THUMPD2: variants seen among roughly 807,000 people sequenced by gnomAD.
The protein encoded by THUMPD2 is THUMP domain 2 tRNA and snRNA guanosine methyltransferase.
Under a neutral mutation model 49.4 loss-of-function variants are expected in THUMPD2, and 56 were observed. That is an observed-to-expected ratio of 1.13 (90% CI 0.91 to 1.41). THUMPD2 has a LOEUF of 1.41. THUMPD2 is among the 40% of genes most tolerant of loss of function. THUMPD2 has a pLI of 0.00. For synonymous variants in THUMPD2, 237 were observed against 205.2 expected (o/e 1.15, Z -1.32); for missense variants, 709 against 594.5 (o/e 1.19, Z -2.00).
chr2:39,738,475 G>C (rs994794751), intron 9 of THUMPD2, among the ~76,000 whole-genome samples: 1 of 151,868 alleles, frequency 6.6e-6, no homozygotes, highest in African/African-American at 2.4e-5. Flanking sequence ...GGGATGGGAG[G>C]ACTGCTTGAG....
chr2:39,763,224 A>G (rs937837521), intron 5 of THUMPD2, among the ~76,000 whole-genome samples: 2 of 151,796 alleles, frequency 1.3e-5, no homozygotes, highest in African/African-American at 2.4e-5. Flanking sequence ...GTCCTAATCT[A>G]TATCTCTAGC....
At chr2:39,737,754 G>A (rs1049949763) in intron 9 of THUMPD2, among the ~76,000 whole-genome samples, 3 of 152,174 alleles carry the variant, frequency 2.0e-5, no homozygotes, top group African/African-American at 7.2e-5. Context: ...CCTGTGCTAT[G>A]AGTTAAAAGA....
chr2:39,748,558 T>C (rs919252815), intron 8 of THUMPD2, among the ~76,000 whole-genome samples: 1 of 151,934 alleles, frequency 6.6e-6, no homozygotes, highest in Non-Finnish European at 1.5e-5. Flanking sequence ...CGTGGTAGCA[T>C]GCGCCTGTAG....
chr2:39,758,083 T>C (rs532334571), intron 6 of THUMPD2, among the ~76,000 whole-genome samples: 16 of 152,318 alleles, frequency 1.1e-4, no homozygotes, highest in African/African-American at 3.8e-4. Flanking sequence ...TTATCAAGCA[T>C]TATCTTTGTA....
At chr2:39,752,738 A>G (rs991446950) in intron 8 of THUMPD2, among the ~76,000 whole-genome samples, 2 of 152,204 alleles carry the variant, frequency 1.3e-5, no homozygotes, top group East Asian at 1.9e-4. Flanking sequence ...TATAATATGA[A>G]AAAGTTTATC....
intron 1 of THUMPD2, among the ~76,000 whole-genome samples, chr2:39,771,871 A>C (rs887841239): frequency 6.6e-6 from 1 of 152,208 alleles, no homozygotes; most frequent in African/African-American, 2.4e-5. Flanking sequence ...GAAAGGTATA[A>C]TGTATTGGAC....
At chr2:39,746,908 A>G (rs751153322) in intron 8 of THUMPD2, among the ~76,000 whole-genome samples, 1 of 152,126 alleles carries the variant, frequency 6.6e-6, no homozygotes, top group Non-Finnish European at 1.5e-5. Context: ...GTCCAGGTTT[A>G]TAATATTCAT....
intron 2 of THUMPD2, among the ~76,000 whole-genome samples, chr2:39,770,994 T>C (rs1454253774): frequency 6.6e-6 from 1 of 152,032 alleles, no homozygotes; most frequent in African/African-American, 2.4e-5. Flanking sequence ...ATTTAGAGAG[T>C]GGACAAGGAA....
Position 39,736,740 on chromosome 2 carries a change from G to A in THUMPD2, c.1507C>T (p.Leu503=). The change falls in exon 10 of 10, where the codon CTG becomes TTG. Residue 503 remains leucine (L), a synonymous_variant. Coordinates refer to ENST00000505747, the MANE Select transcript of THUMPD2 (RefSeq NM_025264.5). ...CKYKKSHSSG[L] ...GGCTGATGGCAGCAAGCCTGCTACA[G>A]TCCAGAAGAGTGCGACTTCTTATAT... The A allele has an allele frequency of 6.2e-7, 1 of 1,613,274 alleles. No individual in the cohort carries two copies.
chr2:39,753,177 C>T (rs1160534380), intron 8 of THUMPD2, among the ~76,000 whole-genome samples: 1 of 152,126 alleles, frequency 6.6e-6, no homozygotes, highest in Non-Finnish European at 1.5e-5. Flanking sequence ...CCTCATTAGC[C>T]AAACTGCTCA....
rs752949967 is a variant in THUMPD2, at chr2:39,769,795, G to A, written c.587C>T (p.Ala196Val). 8.5e-5 allele frequency: 136 copies of A among 1,608,172 alleles called. No individual in the cohort carries two copies. The highest frequency in any genetic ancestry group is 1.1e-4 in the Non-Finnish European group (129 of 1,178,552). ...GTCATTCTGATTATGAGTATCAATT[G>A]CTTTCTCTATGTCATTCTGAAATTC... is the stretch of plus-strand genomic sequence containing the variant. ...EEEFQNDIEKAIDTHNQNDLT... is the reference protein window; with the variant it reads ...EEEFQNDIEKVIDTHNQNDLT... Residue 196 changes from alanine (A) to valine (V), a missense_variant, in exon 3 of 10, where the codon GCA becomes GTA. Physicochemically the swap from Ala to Val is moderately conservative, Grantham distance 64. Transcript: ENST00000505747.
At chr2:39,737,095 T>C in intron 9 of THUMPD2, 36 bp from the exon 10 acceptor site, 2 of 1,544,310 alleles carry the variant, frequency 1.3e-6, no homozygotes, top group Non-Finnish European at 1.8e-6. Flanking sequence ...GCTATCTTTC[T>C]CCTTTCTAGA....
chr2:39,757,300 C>G, intron 6 of THUMPD2: 1 of 963,132 alleles, frequency 1.0e-6, no homozygotes, highest in Non-Finnish European at 1.5e-6. Flanking sequence ...ACATCCACCA[C>G]TTGATATGTC....
At chr2:39,763,491 T>A (rs1335284490) in intron 5 of THUMPD2, among the ~76,000 whole-genome samples, 1 of 152,012 alleles carries the variant, frequency 6.6e-6, no homozygotes, top group Non-Finnish European at 1.5e-5. Context: ...CATTTTTCAC[T>A]GAATACACTG....
In THUMPD2 at chr2:39,769,811, T is replaced by C. The variant is rs1678069329; in HGVS notation, c.571A>G (p.Asn191Asp). Reference sequence around the variant, plus strand: ...GTATCAATTGCTTTCTCTATGTCATTCTGAAATTCTTCTTCTTGAAACTTT... The same window carrying C: ...GTATCAATTGCTTTCTCTATGTCATCCTGAAATTCTTCTTCTTGAAACTTT... ...SEKFQEEEFQ[N>D]DIEKAIDTHN... is the part of the protein sequence containing the mutation. Residue 191 changes from asparagine to aspartate, a missense_variant, in exon 3 of 10, where the codon AAT becomes GAT. Transcript: ENST00000505747. 6.2e-7 allele frequency: 1 copy of C among 1,611,528 alleles called. No individual in the cohort carries two copies. The highest frequency in any genetic ancestry group is 2.2e-5 in the East Asian group (1 of 44,780).
intron 8 of THUMPD2, among the ~76,000 whole-genome samples, chr2:39,754,352 G>C (rs774544699): frequency 6.6e-5 from 10 of 152,134 alleles, no homozygotes; most frequent in Non-Finnish European, 1.5e-4. Context: ...ACAACTATGA[G>C]ATCTCAATCA....
At chr2:39,750,764 C>G (rs1004678732) in intron 8 of THUMPD2, among the ~76,000 whole-genome samples, 1 of 152,044 alleles carries the variant, frequency 6.6e-6, no homozygotes, top group African/African-American at 2.4e-5. Flanking sequence ...ATGCTAGATC[C>G]CTCTATAAAC....
chr2:39,737,101 C>G (rs1470393289), intron 9 of THUMPD2, 42 bp from the exon 10 acceptor site: 1 of 1,521,182 alleles, frequency 6.6e-7, no homozygotes, highest in Admixed American at 2.1e-5. Context: ...TTTCTCCTTT[C>G]TAGACAACAA....
intron 8 of THUMPD2, among the ~76,000 whole-genome samples, chr2:39,755,032 C>T (rs974491733): frequency 1.0e-5 from 1 of 99,396 alleles, no homozygotes; most frequent in Admixed American, 1.2e-4. Flanking sequence ...TCAGATGCAA[C>T]ACTTTTTTTT....
Sources: allele counts gnomAD v4.1 joint callset (sites outside exome capture counted in the v4.1 genomes callset), GRCh38; gene constraint gnomAD v4.1.1; transcripts MANE v1.5; gene names NCBI Gene and HGNC (gene_info 2026-07-23, HGNC 2026-07-21).